The following NUP50 variants were observed in gnomAD, a reference collection of about 807,000 sequenced individuals.
NUP50 encodes the protein nuclear pore complex protein Nup50.
In NUP50, 14 loss-of-function variants were observed where a neutral mutation model predicts 36.8. The observed-to-expected ratio is 0.38, with a 90% CI of 0.25 to 0.59. The LOEUF (loss-of-function observed/expected upper bound fraction) is 0.59, where lower values mean the gene tolerates loss of function less well. NUP50 is among the 20% of genes least tolerant of loss of function. The probability of loss-of-function intolerance (pLI) is 0.63; values close to 1 mark genes in which losing one functional copy is unlikely to be tolerated. For synonymous variants in NUP50, 195 were observed against 210.8 expected (o/e 0.93, Z 0.65); for missense variants, 455 against 564.6 (o/e 0.81, Z 1.97).
intron 3 of NUP50, chr22:45,172,055 A>T (rs1282088899): frequency 9.8e-6 from 2 of 203,146 alleles, no homozygotes; most frequent in African/African-American, 4.6e-5. Flanking sequence ...GAGCCCTTTC[A>T]CTATACTAGA....
chr22:45,167,690 C>T (rs1005189224), intron 1 of NUP50, among the ~76,000 whole-genome samples: 12 of 152,116 alleles, frequency 7.9e-5, no homozygotes, highest in Non-Finnish European at 2.9e-5. Context: ...GAGGCGTTTC[C>T]AGCCCGTTAT....
At chr22:45,174,283 T>A (rs1175060510) in intron 3 of NUP50, among the ~76,000 whole-genome samples, 1 of 150,778 alleles carries the variant, frequency 6.6e-6, no homozygotes, top group Non-Finnish European at 1.5e-5. Flanking sequence ...GCTGAAGCAA[T>A]CCTCCTGCCT....
At chr22:45,182,372 G>T (rs2074386565) in intron 6 of NUP50, among the ~76,000 whole-genome samples, 1 of 152,086 alleles carries the variant, frequency 6.6e-6, no homozygotes, top group Non-Finnish European at 1.5e-5. Flanking sequence ...ACCCTGAGAA[G>T]CAGAGGTTGC....
At chr22:45,168,118 A>C in intron 1 of NUP50, 50 bp from the exon 2 acceptor site, 1 of 1,361,424 alleles carries the variant, frequency 7.3e-7, no homozygotes, top group Non-Finnish European at 1.0e-6. Flanking sequence ...AATTCTTTAT[A>C]AGAATTTATT....
At chr22:45,179,810 G>A (rs1053048480) in intron 5 of NUP50, among the ~76,000 whole-genome samples, 1 of 152,182 alleles carries the variant, frequency 6.6e-6, no homozygotes, top group Non-Finnish European at 1.5e-5. Context: ...CTCGAGCTCA[G>A]AAGTTCAAGG....
At chr22:45,175,364 A>G (rs1392457441) in intron 3 of NUP50, among the ~76,000 whole-genome samples, 1 of 152,262 alleles carries the variant, frequency 6.6e-6, no homozygotes, top group African/African-American at 2.4e-5. Flanking sequence ...TTCAGCTAAC[A>G]GGAACATGTA....
At chr22:45,167,841 G>C (rs1481172638) in intron 1 of NUP50, among the ~76,000 whole-genome samples, 1 of 152,184 alleles carries the variant, frequency 6.6e-6, no homozygotes, top group East Asian at 1.9e-4. Context: ...TATATATACA[G>C]TACTTCAGAT....
chr22:45,174,935 A>G (rs955167960), intron 3 of NUP50, among the ~76,000 whole-genome samples: 3 of 152,008 alleles, frequency 2.0e-5, no homozygotes, highest in African/African-American at 7.3e-5. Context: ...TGACTGGCCC[A>G]TTTAGTAAAT....
At position 45,187,317 on chromosome 22, in the gene NUP50, A is replaced by G. The variant is rs1266208071; in HGVS notation, c.*2662A>G. On this transcript the variant is annotated 3_prime_UTR_variant, in exon 8 of 8. Transcript: ENST00000347635. Reference sequence around the variant, plus strand: ...TAAAGAAGTTTAGATTATGTTTTCCATGGAAGGACAAGTCTGACTGTTCAT... The same window carrying G: ...TAAAGAAGTTTAGATTATGTTTTCCGTGGAAGGACAAGTCTGACTGTTCAT... 1 of 152,216 alleles carries G rather than the reference A, an allele frequency of 6.6e-6. No individual in the cohort carries two copies. Among genetic ancestry groups the G allele is most frequent in the Admixed American group, 6.6e-5 (1 of 15,230 alleles). The allele number at this position is 152,216 out of a possible 1,614,324, so 9.4% of individuals were successfully genotyped here.
chr22:45,181,031 C>T, intron 5 of NUP50, among the ~76,000 whole-genome samples: 1 of 145,652 alleles, frequency 6.9e-6, no homozygotes, highest in Admixed American at 7.0e-5. Context: ...TTAAGGTTTT[C>T]TATATATTGG....
intron 1 of NUP50, chr22:45,164,856 C>G (rs1392534588): frequency 6.5e-6 from 1 of 152,864 alleles, no homozygotes; most frequent in Non-Finnish European, 1.5e-5. Context: ...CCTCGTCTCT[C>G]TTCTCTTGGG....
rs144640746 is a variant in NUP50 at position 45,182,381 on chromosome 22, G to C, written c.1085+1014G>C. 4.6e-5 allele frequency among the ~76,000 whole-genome samples: 7 copies of C among 152,246 alleles called. No homozygotes were observed. In the East Asian group the frequency reaches 1.4e-3, roughly 29 times the overall value. Reference sequence around the variant, plus strand: ...GCTTGAACCCTGAGAAGCAGAGGTTGCAGTGAGCCAAGATCATGCCACTGC... The same window carrying C: ...GCTTGAACCCTGAGAAGCAGAGGTTCCAGTGAGCCAAGATCATGCCACTGC... On this transcript the variant is annotated intron_variant, in intron 6 of 7. Transcript: ENST00000347635.
At position 45,177,204 on chromosome 22, in the gene NUP50, A is replaced by G. The variant is rs536031676; in HGVS notation, c.341-1034A>G. ...CATCCCCAGAGTACTGCATTGAGACAGGGTCTCGCTCTGTCACCTAGGCTG... is the reference window on the plus strand; with the variant it reads ...CATCCCCAGAGTACTGCATTGAGACGGGGTCTCGCTCTGTCACCTAGGCTG... On this transcript the variant is annotated intron_variant, in intron 4 of 7. Transcript: ENST00000347635. Among the ~76,000 whole-genome samples, 4 of 152,098 alleles carry G rather than the reference A, an allele frequency of 2.6e-5. No homozygotes were observed. In the South Asian group the frequency reaches 8.3e-4, roughly 32 times the overall value.
At chr22:45,182,154 A>G (rs1015350088) in intron 6 of NUP50, among the ~76,000 whole-genome samples, 3 of 152,054 alleles carry the variant, frequency 2.0e-5, no homozygotes, top group African/African-American at 7.2e-5. Context: ...ATTAGAATCA[A>G]ATGAGGCCAG....
At chr22:45,172,711 A>G (rs2074215111) in intron 3 of NUP50, among the ~76,000 whole-genome samples, 3 of 152,208 alleles carry the variant, frequency 2.0e-5, no homozygotes, top group Non-Finnish European at 4.4e-5. Flanking sequence ...TTTGATCATA[A>G]AATGTATTAA....
At position 45,168,215 on chromosome 22, in the gene NUP50, G is replaced by T; in HGVS notation, c.38G>T (p.Arg13Met). The change falls in exon 2 of 8, where the codon AGG becomes ATG. Residue 13 changes from arginine to methionine, a missense_variant. Arg to Met is a moderately conservative substitution (Grantham distance 91, BLOSUM62 -1). Transcript: ENST00000347635. ...AATGCCGAGAAGGAACTGACAGATA[G>T]GAATTGGGATCAAGAAGATGAAGCT... ...KRNAEKELTD[R>M]NWDQEDEAEE... is the part of the protein sequence containing the mutation. The T allele has an allele frequency of 6.2e-7, 1 of 1,612,042 alleles. No individual in the cohort carries two copies. The highest frequency in any genetic ancestry group is 8.5e-7 in the Non-Finnish European group (1 of 1,179,416).
intron 5 of NUP50, among the ~76,000 whole-genome samples, chr22:45,179,578 C>A (rs1256558114): frequency 1.3e-5 from 2 of 152,172 alleles, no homozygotes; most frequent in South Asian, 4.1e-4. Flanking sequence ...TGTGAAGACA[C>A]CTACTTCTAA....
chr22:45,181,601 C>T (rs2147702253), intron 6 of NUP50, among the ~76,000 whole-genome samples: 1 of 147,856 alleles, frequency 6.8e-6, no homozygotes, highest in South Asian at 2.2e-4. Context: ...TTTTAAAGTG[C>T]TTTAGAGACA....
At chr22:45,175,855 G>C (rs2074268296) in intron 3 of NUP50, 39 bp from the exon 4 acceptor site, 2 of 1,605,280 alleles carry the variant, frequency 1.2e-6, no homozygotes, top group Non-Finnish European at 1.7e-6. Flanking sequence ...GTAATAGAAA[G>C]TACACTTACC....
Sources: allele counts gnomAD v4.1 joint callset (sites outside exome capture counted in the v4.1 genomes callset), GRCh38; gene constraint gnomAD v4.1.1; transcripts MANE v1.5; gene names NCBI Gene and HGNC (gene_info 2026-07-23, HGNC 2026-07-21).